ACER3: variants seen among roughly 807,000 people sequenced by gnomAD.
The protein encoded by ACER3 is alkCDase 3.
ACER3 carries 16 observed loss-of-function variants against 48.9 expected under a neutral mutation model. That is an observed-to-expected ratio of 0.33 (90% CI 0.22 to 0.50). The LOEUF (loss-of-function observed/expected upper bound fraction) is 0.50. Among genes scored for constraint, ACER3 ranks in the 20% least tolerant of loss-of-function variants. The pLI, the probability that ACER3 is intolerant of heterozygous loss-of-function variation, is 0.98. For synonymous variants in ACER3, 109 were observed against 107.8 expected, an observed-to-expected ratio of 1.01 and a Z score of -0.07; for missense variants, 227 against 326.0, an observed-to-expected ratio of 0.70 and a Z score of 2.34.
chr11:76,873,978 G>A (rs1004094283), intron 1 of ACER3, among the ~76,000 whole-genome samples: 7 of 152,068 alleles, frequency 4.6e-5, no homozygotes, highest in Non-Finnish European at 1.0e-4. Context: ...TTCCAATAAT[G>A]GGAAAAAACT....
At chr11:76,972,248 A>G (rs1214920480) in intron 3 of ACER3, among the ~76,000 whole-genome samples, 2 of 152,082 alleles carry the variant, frequency 1.3e-5, no homozygotes, top group Non-Finnish European at 2.9e-5. Flanking sequence ...CATTGCCAAT[A>G]CTTGTTATTG....
intron 4 of ACER3, among the ~76,000 whole-genome samples, chr11:76,977,943 G>C (rs557889574): frequency 4.6e-5 from 7 of 152,344 alleles, no homozygotes; most frequent in African/African-American, 1.4e-4. Context: ...GAGCCCGGGT[G>C]CTGCCACAAC....
chr11:77,024,147 C>A lies in ACER3; in HGVS notation c.*3820C>A. ...TAGTTAAACCCCTTTATGGAAGGAGCTGCAAAATGAAAAAAAAAAAAAAAA... is the reference window on the plus strand; with the variant it reads ...TAGTTAAACCCCTTTATGGAAGGAGATGCAAAATGAAAAAAAAAAAAAAAA... On this transcript the variant is annotated 3_prime_UTR_variant, in exon 11 of 11. Transcript: ENST00000532485. The A allele has an allele frequency of 8.2e-6, 1 of 121,756 alleles. No homozygotes were observed. The highest frequency in any genetic ancestry group is 3.1e-5 in the African/African-American group (1 of 32,256). 7.5% of individuals were successfully genotyped at this position (121,756 alleles called of 1,614,324 possible). A position where few individuals can be genotyped will look rare whatever the true frequency, so the allele number is the denominator to read the frequency against.
At chr11:76,971,544 A>C (rs1283885661) in intron 3 of ACER3, among the ~76,000 whole-genome samples, 1 of 152,126 alleles carries the variant, frequency 6.6e-6, no homozygotes, top group East Asian at 1.9e-4. Context: ...TCTCAAAAAA[A>C]AAGAAAAAAA....
intron 1 of ACER3, among the ~76,000 whole-genome samples, chr11:76,908,529 A>T (rs1946291772): frequency 6.6e-6 from 1 of 152,144 alleles, no homozygotes; most frequent in South Asian, 2.1e-4. Context: ...ACCTAGGAAT[A>T]TAACTTACAA....
chr11:76,967,081 A>T (rs1948157951), intron 3 of ACER3, among the ~76,000 whole-genome samples: 1 of 152,202 alleles, frequency 6.6e-6, no homozygotes, highest in African/African-American at 2.4e-5. Flanking sequence ...AAAGAAGAAA[A>T]GAGAGAAGAA....
Position 76,929,301 on chromosome 11 carries a change from A to T in ACER3, c.214+2634A>T, listed in dbSNP as rs549246759. On this transcript the variant is annotated intron_variant, in intron 2 of 10. Coordinates refer to ENST00000532485, the MANE Select transcript of ACER3 (RefSeq NM_018367.7). ...GTATAAGAATGCTTGTGATTTTTGCACATTGATTTTGTATCCTGAGACTTT... is the reference window on the plus strand; with the variant it reads ...GTATAAGAATGCTTGTGATTTTTGCTCATTGATTTTGTATCCTGAGACTTT... Among the ~76,000 whole-genome samples the T allele has an allele frequency of 3.3e-5, 5 of 152,312 alleles. No individual in the cohort carries two copies. The South Asian group carries it at 1.0e-3, about 32-fold the overall frequency.
intron 8 of ACER3, among the ~76,000 whole-genome samples, chr11:77,016,029 C>G (rs929616248): frequency 6.7e-6 from 1 of 149,660 alleles, no homozygotes; most frequent in Non-Finnish European, 1.5e-5. Context: ...ATCGCTTGAA[C>G]TGGGGAGGCG....
intron 3 of ACER3, among the ~76,000 whole-genome samples, chr11:76,969,851 C>T (rs1228848440): frequency 2.0e-5 from 3 of 149,900 alleles, no homozygotes; most frequent in Non-Finnish European, 3.0e-5. Context: ...TGCTAAATGA[C>T]GAGTTAATGG....
At chr11:76,990,464 C>T in intron 5 of ACER3, 75 bp from the exon 6 acceptor site, 1 of 1,055,722 alleles carries the variant, frequency 9.5e-7, no homozygotes. Context: ...TTGGGATTTG[C>T]AGAGTAATTG....
intron 1 of ACER3, among the ~76,000 whole-genome samples, chr11:76,861,678 T>A (rs1430687970): frequency 6.6e-6 from 1 of 152,128 alleles, no homozygotes; most frequent in Non-Finnish European, 1.5e-5. Context: ...GGTCATCTGC[T>A]CTCTGAGTAT....
At chr11:76,963,914 A>G (rs1223351712) in intron 3 of ACER3, among the ~76,000 whole-genome samples, 1 of 151,440 alleles carries the variant, frequency 6.6e-6, no homozygotes, top group African/African-American at 2.5e-5. Flanking sequence ...TGACTTCTGC[A>G]TTTCCAACTG....
intron 1 of ACER3, among the ~76,000 whole-genome samples, chr11:76,881,646 A>G (rs1039510124): frequency 1.3e-5 from 2 of 152,140 alleles, no homozygotes; most frequent in African/African-American, 4.8e-5. Flanking sequence ...TATAGTTATT[A>G]TATGTATTAC....
chr11:76,923,062 A>G (rs1434103697), intron 1 of ACER3, among the ~76,000 whole-genome samples: 1 of 152,050 alleles, frequency 6.6e-6, no homozygotes, highest in Admixed American at 6.6e-5. Flanking sequence ...GATAATGCTA[A>G]ACAACTTTAA....
intron 10 of ACER3, 69 bp from the exon 11 acceptor site, chr11:77,020,205 A>C: frequency 3.9e-6 from 6 of 1,540,426 alleles, no homozygotes; most frequent in Non-Finnish European, 5.4e-6. Flanking sequence ...ATTCTTTCTC[A>C]TTCTTTTTCA....
At chr11:76,996,719 C>CTTTTTT (rs36108857) in intron 6 of ACER3, among the ~76,000 whole-genome samples, 2 of 138,782 alleles carry the variant, frequency 1.4e-5, no homozygotes, top group African/African-American at 2.8e-5. Flanking sequence ...CCCACCCAGC[C>CTTTTTT]TTTTTTTTTT....
chr11:76,940,433 T>C (rs1381458920), intron 2 of ACER3, among the ~76,000 whole-genome samples: 1 of 152,242 alleles, frequency 6.6e-6, no homozygotes, highest in African/African-American at 2.4e-5. Flanking sequence ...TAAAATAAAA[T>C]GTGTAATTGT....
At chr11:76,972,097 C>T (rs990176359) in intron 3 of ACER3, among the ~76,000 whole-genome samples, 2 of 152,170 alleles carry the variant, frequency 1.3e-5, no homozygotes, top group African/African-American at 4.8e-5. Flanking sequence ...TAGTTTCCCT[C>T]ATTGTGGATG....
At chr11:77,016,648 C>T (rs1223380148) in intron 8 of ACER3, 27 bp from the exon 9 acceptor site, 23 of 1,227,906 alleles carry the variant, frequency 1.9e-5, no homozygotes, top group Admixed American at 8.4e-5. Flanking sequence ...AAAAATTTAA[C>T]GTGATTTTCT....
Sources: gnomAD v4.1 joint callset for allele counts (sites outside exome capture counted in the v4.1 genomes callset) on GRCh38, gnomAD v4.1.1 for gene constraint, MANE v1.5 for transcripts, NCBI Gene and HGNC (gene_info 2026-07-23, HGNC 2026-07-21) for gene names.